The following ISYNA1 variants were observed in gnomAD, a reference collection of about 807,000 sequenced individuals.
ISYNA1 encodes inositol-3-phosphate synthase 1.
In ISYNA1, 34 loss-of-function variants were observed where a neutral mutation model predicts 50.3. The observed-to-expected ratio is 0.68, with a 90% CI of 0.51 to 0.90. The LOEUF is 0.90. ISYNA1 is among the 40% of genes least tolerant of loss of function. ISYNA1 has a pLI of 0.00. For synonymous variants in ISYNA1, 396 were observed against 349.9 expected (o/e 1.13, Z -1.47); for missense variants, 718 against 784.8 (o/e 0.91, Z 1.02).
At chr19:18,435,167 G>T (rs375075130) in intron 10 of ISYNA1, 50 bp from the exon 11 acceptor site, 2 of 1,602,862 alleles carry the variant, frequency 1.2e-6, no homozygotes, top group Admixed American at 1.7e-5. Context: ...AGGGAGAAAG[G>T]GGGGGTATCC....
intron 3 of ISYNA1, 95 bp downstream of exon 3, chr19:18,437,504 T>G: frequency 1.4e-4 from 16 of 114,680 alleles, no homozygotes; most frequent in East Asian, 1.8e-4. Flanking sequence ...ACAGCCCCCC[T>G]GGTCCCGCAG....
chr19:18,435,862 C>T lies in ISYNA1; in HGVS notation c.1035G>A (p.Ala345=), dbSNP rs766981103. The change falls in exon 8 of 11, where the codon GCG becomes GCA. Residue 345 remains alanine (A), a synonymous_variant. Transcript: ENST00000338128. ...CCTCCTTAGAGCGGAACTGCAATGG[C>T]GCCGATAGGTTCTCCCCATCGTTGT... ...LGNNDGENLS[A]PLQFRSKEVS... 1.9e-6 allele frequency: 3 copies of T among 1,614,052 alleles called. No homozygotes were observed.
intron 10 of ISYNA1, 45 bp from the exon 11 acceptor site, chr19:18,435,162 G>A: frequency 1.2e-6 from 2 of 1,604,180 alleles, no homozygotes; most frequent in Non-Finnish European, 1.7e-6. Context: ...CCCACAGGGA[G>A]AAAGGGGGGG....
rs1328666501 is a variant in ISYNA1, at chr19:18,436,733, T to C, written c.560A>G (p.Asn187Ser). ...SVYIPEFIAA[N>S]QSARADNLIP... ...GAGGTTGTCCGCGCGCGCGCTCTGGTTGGCCGCGATGAATTCGGGGATGTA... is the reference window on the plus strand; with the variant it reads ...GAGGTTGTCCGCGCGCGCGCTCTGGCTGGCCGCGATGAATTCGGGGATGTA... Residue 187 changes from asparagine to serine, a missense_variant, in exon 5 of 11, where the codon AAC becomes AGC. Transcript: ENST00000338128. The C allele has an allele frequency of 6.4e-7, 1 of 1,568,060 alleles. No homozygotes were observed. The highest frequency in any genetic ancestry group is 8.6e-7 in the Non-Finnish European group (1 of 1,160,320).
In ISYNA1 at chr19:18,437,062, C is replaced by T. The variant is rs1290614221; in HGVS notation, c.326G>A (p.Ser109Asn). 1.3e-6 allele frequency: 2 copies of T among 1,588,482 alleles called. No homozygotes were observed. The highest frequency in any genetic ancestry group is 1.1e-5 in the South Asian group (1 of 87,912). ...YGSLTQAGTV[S>N]LGLDAEGQEV... is the part of the protein sequence containing the mutation. ...CTGGCCCTCGGCGTCCAGGCCCAGG[C>T]TCACGGTGCCCGCCTGAGTCAGCGA... The change falls in exon 4 of 11, where the codon AGC becomes AAC. Residue 109 changes from serine to asparagine, a missense_variant. Ser to Asn is a conservative substitution (Grantham distance 46). Around this residue, in one of 3 missense-constraint regions of ISYNA1, gnomAD observed 403 missense variants for 466.6 expected, o/e 0.86. Coordinates refer to ENST00000338128, the MANE Select transcript of ISYNA1 (RefSeq NM_016368.5).
intron 1 of ISYNA1, 24 bp from the exon 2 acceptor site, chr19:18,438,012 G>T (rs1411351499): frequency 9.1e-6 from 14 of 1,537,798 alleles, no homozygotes; most frequent in Non-Finnish European, 1.2e-5. Flanking sequence ...GTGAGCAGGG[G>T]GTCAGCGGGG....
chr19:18,437,579 C>G lies in ISYNA1; in HGVS notation c.282+20G>C, dbSNP rs780874086. 9 of 1,447,276 alleles carry G rather than the reference C, an allele frequency of 6.2e-6. No individual in the cohort carries two copies. In the East Asian group the frequency reaches 2.4e-4, roughly 38 times the overall value. The allele number at this position is 1,447,276 out of a possible 1,614,324, so 89.7% of individuals were successfully genotyped here. On this transcript the variant is annotated intron_variant, in intron 3 of 10. Coordinates refer to ENST00000338128, the MANE Select transcript of ISYNA1 (RefSeq NM_016368.5). ...ACTCCCACCAAGCCTCCCTACCCAC[C>G]ACGCCCCTCCCGCCCCCACCTTGCG...
intron 3 of ISYNA1, 172 bp from the exon 4 acceptor site, chr19:18,437,277 C>A: frequency 7.0e-7 from 1 of 1,424,834 alleles, no homozygotes; most frequent in Non-Finnish European, 9.1e-7. Context: ...CTGAGACCTC[C>A]GGCACCTTAA....
Position 18,435,589 on chromosome 19 carries a change from T to C in ISYNA1, c.1228A>G (p.Thr410Ala), listed in dbSNP as rs1555727204. The change falls in exon 9 of 11, where the codon ACA becomes GCA. Residue 410 changes from threonine (T) to alanine (A), a missense_variant. Around this residue, in one of 3 missense-constraint regions of ISYNA1, gnomAD observed 305 missense variants for 292.6 expected, o/e 1.04. Transcript: ENST00000338128. ...TCACACGTGTTGTGCAGCACCAGTG[T>C]GTTGGTTCCGCCCAGCATCAGCTCC... The part of the protein sequence containing the change: ...TSELMLGGTN[T>A]LVLHNTCEDS... The C allele has an allele frequency of 1.2e-6, 2 of 1,609,352 alleles. No homozygotes were observed. The highest frequency in any genetic ancestry group is 1.7e-6 in the Non-Finnish European group (2 of 1,178,170).
At chr19:18,436,904 G>C in intron 4 of ISYNA1, 27 bp from the exon 5 acceptor site, 1 of 1,598,656 alleles carries the variant, frequency 6.3e-7, no homozygotes, top group Non-Finnish European at 8.5e-7. Context: ...ACTCGGCCCT[G>C]CCCGGATCCT....
At position 18,436,119 on chromosome 19, in the gene ISYNA1, C is replaced by T. The variant is rs776134448; in HGVS notation, c.888G>A (p.Arg296=). The change falls in exon 7 of 11, where the codon CGG becomes CGA. Residue 296 remains arginine (R), a synonymous_variant. Transcript: ENST00000338128. ...PGALELAWQH[R]VFVGGDDFKS... ...TGAAGTCATCTCCGCCCACAAAAAC[C>T]CGGTGCTGCCACGCGAGCTCAAGAG... is the stretch of plus-strand genomic sequence containing the variant. 6 of 1,612,950 alleles carry T rather than the reference C, an allele frequency of 3.7e-6. No homozygotes were observed. The highest frequency in any genetic ancestry group is 1.7e-4 in the Middle Eastern group (1 of 6,050).
At position 18,434,448 on chromosome 19, in the gene ISYNA1, C is replaced by G; in HGVS notation, c.*465G>C. ...AGAGACGTTCTTTTCTGTATGGACC[C>G]TTCCTGCCATTTGTATTTTGTCCCA... On this transcript the variant is annotated 3_prime_UTR_variant, in exon 11 of 11. Coordinates refer to ENST00000338128, the MANE Select transcript of ISYNA1 (RefSeq NM_016368.5). 9.9e-7 allele frequency: 1 copy of G among 1,011,814 alleles called. No individual in the cohort carries two copies. The highest frequency in any genetic ancestry group is 1.3e-6 in the Non-Finnish European group (1 of 748,350). The allele number at this position is 1,011,814 out of a possible 1,614,324, so 62.7% of individuals were successfully genotyped here.
At chr19:18,436,008 C>G in intron 7 of ISYNA1, 24 bp downstream of exon 7, 2 of 1,612,896 alleles carry the variant, frequency 1.2e-6, no homozygotes, top group Non-Finnish European at 1.7e-6. Flanking sequence ...TTCCTGCACT[C>G]GGCAGCTCCC....
chr19:18,437,496 A>AAACC, intron 3 of ISYNA1, 103 bp downstream of exon 3: 3 of 253,968 alleles, frequency 1.2e-5, no homozygotes, highest in Non-Finnish European at 1.5e-5. Context: ...CACCCCCTAC[A>AAACC]GCCCCCCTGG....
At position 18,434,963 on chromosome 19, in the gene ISYNA1, C is replaced by T. The variant is rs758811983; in HGVS notation, c.1627G>A (p.Gly543Ser). 26 of 1,613,336 alleles carry T rather than the reference C, an allele frequency of 1.6e-5. No individual in the cohort carries two copies. The highest frequency in any genetic ancestry group is 3.3e-5 in the South Asian group (3 of 91,074). ...TCTTGCAGATGCCCATTGGCATCAC[C>T]GGTGCAGCCATTGGTGGCAGCGGGT... ...PVPAATNGCT[G>S]DANGHLQEEP... The change falls in exon 11 of 11, where the codon GGT becomes AGT. Residue 543 changes from glycine to serine, a missense_variant. Gly to Ser is a moderately conservative substitution (Grantham distance 56, BLOSUM62 0). This residue lies in a region of ISYNA1 where 305 missense variants were observed against 292.6 expected (regional missense o/e 1.04). Transcript: ENST00000338128.
Position 18,435,626 on chromosome 19 carries a change from A to G in ISYNA1, c.1191T>C (p.Asp397=). 3 of 1,611,364 alleles carry G rather than the reference A, an allele frequency of 1.9e-6. No homozygotes were observed. Among genetic ancestry groups the G allele is most frequent in the Non-Finnish European group, 2.5e-6 (3 of 1,178,958 alleles). Residue 397 remains aspartate (D), a synonymous_variant, in exon 9 of 11, where the codon GAT becomes GAC. Transcript: ENST00000338128. ...PYVGDSKRAL[D]EYTSELMLGG... Reference sequence around the variant, plus strand: ...CCAGCATCAGCTCCGAGGTATACTCATCCAGCGCGCGCTTGCTGTCACCCA... The same window carrying G: ...CCAGCATCAGCTCCGAGGTATACTCGTCCAGCGCGCGCTTGCTGTCACCCA...
chr19:18,437,438 G>A (rs943605587), intron 3 of ISYNA1, 161 bp downstream of exon 3: 2 of 970,076 alleles, frequency 2.1e-6, no homozygotes, highest in Non-Finnish European at 2.6e-6. Context: ...CAGGCCTCCA[G>A]ACCCGGGCAG....
At position 18,436,673 on chromosome 19, in the gene ISYNA1, T is replaced by G. The variant is rs1029172674; in HGVS notation, c.609+11A>C. On this transcript the variant is annotated intron_variant, in intron 5 of 10. Coordinates refer to ENST00000338128, the MANE Select transcript of ISYNA1 (RefSeq NM_016368.5). ...GTGGCAGGAAGCAAGGGATGCGGGA[T>G]GGGACAGCACCTGCTGCGCACGCGA... 5 of 1,577,830 alleles carry G rather than the reference T, an allele frequency of 3.2e-6. No individual in the cohort carries two copies. The Admixed American group carries it at 9.6e-5, about 30-fold the overall frequency.
At chr19:18,437,823 T>TC (rs767421626) in intron 2 of ISYNA1, 37 bp downstream of exon 2, 24 of 1,608,360 alleles carry the variant, frequency 1.5e-5, no homozygotes, top group Non-Finnish European at 2.0e-5. Context: ...CGCCCCGCTC[T>TC]CCCCAGCACG....
Sources: allele counts gnomAD v4.1 joint callset, GRCh38; gene constraint gnomAD v4.1.1; regional missense constraint gnomAD v4.1.1; transcripts MANE v1.5; gene names NCBI Gene and HGNC (gene_info 2026-07-23, HGNC 2026-07-21).